MECOM: variants seen among roughly 807,000 people sequenced by gnomAD.
MECOM encodes the protein MDS1 and EVI1 complex locus.
Under a neutral mutation model 116.3 loss-of-function variants are expected in MECOM, and 13 were observed. The ratio of observed to expected loss-of-function variants is 0.11; its 90% CI spans 0.07 to 0.18. The LOEUF (loss-of-function observed/expected upper bound fraction) is 0.18. Ranked by LOEUF, MECOM falls within the 10% of genes least tolerant of loss-of-function variation. The pLI, the probability that MECOM is intolerant of heterozygous loss-of-function variation, is 1.00. For missense variants in MECOM, 1,299 were observed against 1,509.0 expected, an observed-to-expected ratio of 0.86 and a Z score of 2.31; for synonymous variants, 528 against 535.2, an observed-to-expected ratio of 0.99 and a Z score of 0.19.
chr3:169,432,165 CT>C (rs11410519), intron 1 of MECOM, among the ~76,000 whole-genome samples: 318 of 144,880 alleles, frequency 2.2e-3, no homozygotes, highest in African/African-American at 2.2e-3. Context: ...GTACTACTGT[CT>C]TTTTTTTTTT....
chr3:169,469,214 G>T (rs894967135), intron 1 of MECOM, among the ~76,000 whole-genome samples: 1 of 152,120 alleles, frequency 6.6e-6, no homozygotes, highest in Admixed American at 6.5e-5. Flanking sequence ...AATGAACAAG[G>T]TTTCCCAGGT....
chr3:169,501,067 C>T (rs911738596), intron 1 of MECOM, among the ~76,000 whole-genome samples: 5 of 152,042 alleles, frequency 3.3e-5, no homozygotes, highest in Admixed American at 3.3e-4. Context: ...ACTTATCTCT[C>T]TGTTAACGCC....
chr3:169,399,465 G>A (rs993560816), intron 1 of MECOM, among the ~76,000 whole-genome samples: 1 of 152,184 alleles, frequency 6.6e-6, no homozygotes, highest in Non-Finnish European at 1.5e-5. Flanking sequence ...TCTAGAAGAA[G>A]TTAAAGTTGG....
chr3:169,232,619 A>T (rs181758546), intron 2 of MECOM, among the ~76,000 whole-genome samples: 2 of 150,420 alleles, frequency 1.3e-5, no homozygotes, highest in African/African-American at 4.9e-5. Context: ...CCCATTTTAC[A>T]TAGGAATCCA....
At chr3:169,419,226 G>A (rs572555152) in intron 1 of MECOM, among the ~76,000 whole-genome samples, 8 of 152,048 alleles carry the variant, frequency 5.3e-5, no homozygotes, top group East Asian at 3.9e-4. Flanking sequence ...TACAAACCAC[G>A]GCTCAAGGAA....
At chr3:169,541,993 G>A (rs1044247832) in intron 1 of MECOM, among the ~76,000 whole-genome samples, 9 of 152,150 alleles carry the variant, frequency 5.9e-5, no homozygotes, top group Non-Finnish European at 1.0e-4. Flanking sequence ...TAGTATAAAT[G>A]TTCTTGTATT....
At chr3:169,401,311 C>G (rs1233116345) in intron 1 of MECOM, among the ~76,000 whole-genome samples, 1 of 152,164 alleles carries the variant, frequency 6.6e-6, no homozygotes, top group African/African-American at 2.4e-5. Context: ...ACCTGAAATT[C>G]TCCCACCCCC....
intron 1 of MECOM, among the ~76,000 whole-genome samples, chr3:169,654,229 T>C (rs941930688): frequency 3.3e-5 from 5 of 152,182 alleles, no homozygotes; most frequent in African/African-American, 9.7e-5. Context: ...CAATTTTTAA[T>C]CCTAAAGACT....
intron 1 of MECOM, among the ~76,000 whole-genome samples, chr3:169,600,207 T>C (rs1767672476): frequency 6.6e-6 from 1 of 152,036 alleles, no homozygotes; most frequent in Non-Finnish European, 1.5e-5. Flanking sequence ...CCTGACCTCA[T>C]GTGATCTGCC....
chr3:169,543,494 G>A (rs189964878), intron 1 of MECOM, among the ~76,000 whole-genome samples: 1 of 152,250 alleles, frequency 6.6e-6, no homozygotes, highest in Admixed American at 6.5e-5. Flanking sequence ...GGTGTTTAAG[G>A]TTACAGTGAG....
intron 1 of MECOM, among the ~76,000 whole-genome samples, chr3:169,396,538 A>G (rs942223884): frequency 1.3e-5 from 2 of 152,246 alleles, no homozygotes; most frequent in African/African-American, 4.8e-5. Context: ...TAAATAAAAC[A>G]TATTAGTAAA....
chr3:169,659,467 T>TTTC (rs1775980612), intron 1 of MECOM, among the ~76,000 whole-genome samples: 1 of 128,036 alleles, frequency 7.8e-6, no homozygotes, highest in Admixed American at 7.6e-5. Flanking sequence ...TTTTTTTTTT[T>TTTC]TTTTTTGCAA....
intron 2 of MECOM, among the ~76,000 whole-genome samples, chr3:169,156,467 CA>C (rs780668844): frequency 2.1e-4 from 32 of 152,220 alleles, no homozygotes; most frequent in Non-Finnish European, 4.1e-4. Context: ...AAAAAGTCCC[CA>C]CAAAACAGTC....
intron 1 of MECOM, among the ~76,000 whole-genome samples, chr3:169,520,868 C>T (rs376087594): frequency 6.6e-6 from 1 of 152,166 alleles, no homozygotes; most frequent in Non-Finnish European, 1.5e-5. Flanking sequence ...CAGCTCTGCA[C>T]CCACCCCAAT....
chr3:169,143,165 T>C (rs1297663538), intron 3 of MECOM, among the ~76,000 whole-genome samples: 1 of 152,066 alleles, frequency 6.6e-6, no homozygotes, highest in Admixed American at 6.6e-5. Flanking sequence ...TTTTAAACTT[T>C]TTAACATATA....
chr3:169,445,972 C>T (rs1057344704), intron 1 of MECOM, among the ~76,000 whole-genome samples: 1 of 152,148 alleles, frequency 6.6e-6, no homozygotes, highest in African/African-American at 2.4e-5. Flanking sequence ...CTGTATTTAC[C>T]TAATACCTGT....
At chr3:169,309,103 A>T (rs1034169663) in intron 2 of MECOM, among the ~76,000 whole-genome samples, 1 of 152,200 alleles carries the variant, frequency 6.6e-6, no homozygotes, top group Admixed American at 6.5e-5. Flanking sequence ...GCTGACGTTC[A>T]ATGAAGACTA....
intron 2 of MECOM, among the ~76,000 whole-genome samples, chr3:169,378,457 GC>G (rs879470129): frequency 0.19 from 11,617 of 60,038 alleles, 2,321 homozygotes; most frequent in African/African-American, 0.31. Flanking sequence ...AAGAAGGAAA[GC>G]AAGCAAGCAA....
At chr3:169,370,581 A>G (rs546706603) in intron 2 of MECOM, among the ~76,000 whole-genome samples, 21 of 152,158 alleles carry the variant, frequency 1.4e-4, no homozygotes, top group African/African-American at 4.8e-4. Flanking sequence ...CAACAAAAAC[A>G]AAGAAAACCT....
Sources: gnomAD v4.1 joint callset for allele counts (sites outside exome capture counted in the v4.1 genomes callset) on GRCh38, gnomAD v4.1.1 for gene constraint, MANE v1.5 for transcripts, NCBI Gene and HGNC (gene_info 2026-07-23, HGNC 2026-07-21) for gene names.